PIK3CB: variants seen among roughly 807,000 people sequenced by gnomAD.
The protein encoded by PIK3CB is phosphatidylinositol-4,5-bisphosphate 3-kinase catalytic subunit beta, also known as phosphatidylinositol 4,5-bisphosphate 3-kinase catalytic subunit beta isoform.
PIK3CB carries 39 observed loss-of-function variants against 136.8 expected under a neutral mutation model. The observed-to-expected ratio is 0.29, with a 90% CI of 0.22 to 0.37. The LOEUF (loss-of-function observed/expected upper bound fraction) is 0.37, where lower values mean the gene tolerates loss of function less well. Among genes scored for constraint, PIK3CB ranks in the 10% least tolerant of loss-of-function variants. The pLI, the probability that PIK3CB is intolerant of heterozygous loss-of-function variation, is 1.00. For missense variants in PIK3CB, 868 were observed against 1,275.4 expected, an observed-to-expected ratio of 0.68 and a Z score of 4.87; for synonymous variants, 428 against 436.6, an observed-to-expected ratio of 0.98 and a Z score of 0.25.
intron 8 of PIK3CB, among the ~76,000 whole-genome samples, chr3:138,728,899 C>T (rs1233448043): frequency 1.3e-5 from 2 of 151,910 alleles, no homozygotes; most frequent in Non-Finnish European, 2.9e-5. Flanking sequence ...AAGAGAATTT[C>T]TTGAATAAGG....
At chr3:138,720,839 G>A (rs2044710320) in intron 8 of PIK3CB, among the ~76,000 whole-genome samples, 2 of 152,220 alleles carry the variant, frequency 1.3e-5, no homozygotes, top group Non-Finnish European at 2.9e-5. Flanking sequence ...CTGCATGCCA[G>A]CCTGGGTGAC....
chr3:138,788,835 G>A (rs1360768925), intron 2 of PIK3CB, among the ~76,000 whole-genome samples: 1 of 150,946 alleles, frequency 6.6e-6, no homozygotes, highest in Non-Finnish European at 1.5e-5. Context: ...ATAGTGGTAC[G>A]CACCTGTAAT....
chr3:138,793,975 G>GTTTTT (rs1046981334), intron 2 of PIK3CB, among the ~76,000 whole-genome samples: 3 of 152,080 alleles, frequency 2.0e-5, no homozygotes, highest in African/African-American at 7.2e-5. Flanking sequence ...GTTTTGTTTT[G>GTTTTT]TTTTGAGATG....
intron 1 of PIK3CB, among the ~76,000 whole-genome samples, chr3:138,821,298 A>C (rs1933552843): frequency 6.7e-6 from 1 of 148,938 alleles, no homozygotes. Flanking sequence ...AAAAAACAAA[A>C]AACAAAAAAA....
At chr3:138,736,999 G>A (rs1013166163) in intron 6 of PIK3CB, among the ~76,000 whole-genome samples, 1 of 151,912 alleles carries the variant, frequency 6.6e-6, no homozygotes, top group Non-Finnish European at 1.5e-5. Context: ...AATATTTCAC[G>A]TTTATACTAT....
intron 23 of PIK3CB, 114 bp from the exon 24 acceptor site, chr3:138,655,640 T>C (rs1313750823): frequency 2.1e-5 from 16 of 751,200 alleles, no homozygotes; most frequent in Non-Finnish European, 3.5e-5. Context: ...TCAGGCAGCA[T>C]GCTTCATGTT....
intron 21 of PIK3CB, among the ~76,000 whole-genome samples, chr3:138,658,946 C>A (rs1011935370): frequency 6.6e-6 from 1 of 152,318 alleles, no homozygotes; most frequent in East Asian, 1.9e-4. Flanking sequence ...GGTTGTTCTC[C>A]GGTGTTGCTG....
intron 8 of PIK3CB, among the ~76,000 whole-genome samples, chr3:138,725,177 C>A (rs954675546): frequency 4.0e-5 from 6 of 151,466 alleles, no homozygotes; most frequent in Admixed American, 3.3e-4. Context: ...CATTTATACT[C>A]CCTAAATATA....
At chr3:138,733,675 G>A (rs929990133) in intron 7 of PIK3CB, among the ~76,000 whole-genome samples, 29 of 152,000 alleles carry the variant, frequency 1.9e-4, no homozygotes, top group Non-Finnish European at 7.4e-5. Context: ...TCAGGAGATC[G>A]AGACCATCCT....
At chr3:138,793,735 G>C (rs2046078890) in intron 2 of PIK3CB, among the ~76,000 whole-genome samples, 1 of 150,978 alleles carries the variant, frequency 6.6e-6, no homozygotes, top group South Asian at 2.1e-4. Context: ...GATTAAAGAA[G>C]TTGACCAGGC....
At chr3:138,721,760 T>C (rs1246774263) in intron 8 of PIK3CB, among the ~76,000 whole-genome samples, 1 of 152,184 alleles carries the variant, frequency 6.6e-6, no homozygotes, top group African/African-American at 2.4e-5. Flanking sequence ...GATTATACTG[T>C]CAATATTGTA....
chr3:138,829,955 A>G (rs796757819), intron 1 of PIK3CB, among the ~76,000 whole-genome samples: 23 of 152,324 alleles, frequency 1.5e-4, no homozygotes, highest in African/African-American at 4.6e-4. Flanking sequence ...GAGAGGCAAC[A>G]GCAGTTGACA....
intron 16 of PIK3CB, among the ~76,000 whole-genome samples, chr3:138,685,415 A>AG (rs1559813366): frequency 1.4e-5 from 2 of 147,562 alleles, no homozygotes; most frequent in Admixed American, 6.9e-5. Flanking sequence ...AAAAAAAAAA[A>AG]AAAAAAAAGA....
intron 12 of PIK3CB, among the ~76,000 whole-genome samples, chr3:138,703,564 GTAGA>G (rs906257244): frequency 1.3e-5 from 2 of 150,114 alleles, no homozygotes; most frequent in African/African-American, 5.0e-5. Flanking sequence ...ATATATATAT[GTAGA>G]TATAGATATA....
chr3:138,713,625 C>G lies in PIK3CB; in HGVS notation c.1302+843G>C, dbSNP rs545626926. Among the ~76,000 whole-genome samples the G allele has an allele frequency of 2.0e-5, 3 of 152,026 alleles. No individual in the cohort carries two copies. In the South Asian group the frequency reaches 6.2e-4, roughly 32 times the overall value. On this transcript the variant is annotated intron_variant, in intron 9 of 23. Coordinates refer to ENST00000674063, the MANE Select transcript of PIK3CB (RefSeq NM_006219.3). The stretch of plus-strand genomic sequence containing the variant: ...GGCGGAAGTTGCAGTGAGCCGAGAT[C>G]GTGCCATTGCACTCCATCCCAGGTG...
At position 138,653,366 on chromosome 3, in the gene PIK3CB, A is replaced by G. The variant is rs1472237772; in HGVS notation, c.*2023T>C. On this transcript the variant is annotated 3_prime_UTR_variant, in exon 24 of 24. Coordinates refer to ENST00000674063, the MANE Select transcript of PIK3CB (RefSeq NM_006219.3). ...GGTCACGTTACTTAACCCTTCAAAG[A>G]AAACAGGAAAGATACAATTTGGTGC... 1 of 174,994 alleles carries G rather than the reference A, an allele frequency of 5.7e-6. No individual in the cohort carries two copies. 10.8% of individuals were successfully genotyped at this position (174,994 alleles called of 1,614,324 possible).
chr3:138,670,808 A>G (rs1378266209), intron 19 of PIK3CB, among the ~76,000 whole-genome samples: 6 of 152,190 alleles, frequency 3.9e-5, no homozygotes, highest in African/African-American at 7.2e-5. Flanking sequence ...AAAATCTGTC[A>G]CCTGTAGTAG....
intron 13 of PIK3CB, among the ~76,000 whole-genome samples, chr3:138,698,424 T>C (rs1172148874): frequency 6.6e-6 from 1 of 152,216 alleles, no homozygotes; most frequent in African/African-American, 2.4e-5. Flanking sequence ...CTTTTTTCTA[T>C]TCTGTCAAAA....
At chr3:138,670,406 C>T (rs1314750382) in intron 19 of PIK3CB, among the ~76,000 whole-genome samples, 1 of 152,164 alleles carries the variant, frequency 6.6e-6, no homozygotes, top group Non-Finnish European at 1.5e-5. Context: ...CTTAAAGTTT[C>T]CCTCCTTTTT....
Sources: gnomAD v4.1 joint callset for allele counts (sites outside exome capture counted in the v4.1 genomes callset) on GRCh38, gnomAD v4.1.1 for gene constraint, MANE v1.5 for transcripts, NCBI Gene and HGNC (gene_info 2026-07-23, HGNC 2026-07-21) for gene names.